FHIT: variants seen among roughly 807,000 people sequenced by gnomAD.
FHIT encodes fragile histidine triad diadenosine triphosphatase.
FHIT carries 19 observed loss-of-function variants against 17.9 expected under a neutral mutation model. That is an observed-to-expected ratio of 1.06 (90% CI 0.74 to 1.56). The LOEUF is 1.56. Ranked by LOEUF, FHIT falls within the 40% of genes most tolerant of loss-of-function variation. The pLI is 0.00. For synonymous variants in FHIT, 81 were observed against 69.7 expected, an observed-to-expected ratio of 1.16 and a Z score of -0.81; for missense variants, 248 against 189.2, an observed-to-expected ratio of 1.31 and a Z score of -1.82.
Position 60,556,719 on chromosome 3 carries a change from C to T in FHIT, c.-17-19740G>A, listed in dbSNP as rs1338736343. Among the ~76,000 whole-genome samples the T allele has an allele frequency of 3.3e-5, 5 of 152,238 alleles. No individual in the cohort carries two copies. The South Asian group carries it at 6.2e-4, about 19-fold the overall frequency. ...GGGTGGGTTTTGGAATAGCAACACC[C>T]TGAAGGTAATAGAGGCTGGTGGTAG... is the stretch of plus-strand genomic sequence containing the variant. On this transcript the variant is annotated intron_variant, in intron 4 of 9. Transcript: ENST00000492590.
In FHIT at chr3:60,577,210, TGA is replaced by T. The variant is rs201878896; in HGVS notation, c.-17-40233_-17-40232del. On this transcript the variant is annotated intron_variant, in intron 4 of 9. Transcript: ENST00000492590. ...GGTTCTGGCCCTCCCAAATTAACAC[TGA>T]GCTAGTTCAGGGAACAAGCTCTCAC... 8.6e-4 allele frequency among the ~76,000 whole-genome samples: 131 copies of T among 152,248 alleles called. 2 individuals are homozygous for T. The East Asian group carries it at 0.024, about 28-fold the overall frequency.
At chr3:60,703,870 A>T (rs928331217) in intron 4 of FHIT, among the ~76,000 whole-genome samples, 2 of 152,202 alleles carry the variant, frequency 1.3e-5, no homozygotes, top group East Asian at 3.9e-4. Flanking sequence ...ACTTTCTTCT[A>T]TGATTATTGG....
intron 4 of FHIT, among the ~76,000 whole-genome samples, chr3:60,760,968 C>G (rs1414666167): frequency 6.6e-6 from 1 of 152,068 alleles, no homozygotes; most frequent in Non-Finnish European, 1.5e-5. Flanking sequence ...TCTCATTTAG[C>G]CTGTTGGGCT....
At chr3:60,515,188 G>C (rs1488403101) in intron 5 of FHIT, among the ~76,000 whole-genome samples, 1 of 152,154 alleles carries the variant, frequency 6.6e-6, no homozygotes, top group Non-Finnish European at 1.5e-5. Context: ...TTCCATCCTA[G>C]TGTGAGCGGA....
intron 4 of FHIT, among the ~76,000 whole-genome samples, chr3:60,579,695 T>A (rs1553658992): frequency 6.6e-6 from 1 of 152,180 alleles, no homozygotes; most frequent in African/African-American, 2.4e-5. Flanking sequence ...CAGTTTGAGA[T>A]AAATTTGAGA....
At chr3:59,865,199 G>A (rs1415206121) in intron 8 of FHIT, among the ~76,000 whole-genome samples, 1 of 152,170 alleles carries the variant, frequency 6.6e-6, no homozygotes, top group Non-Finnish European at 1.5e-5. Flanking sequence ...AAACTTAAAA[G>A]CATAAAAAAT....
chr3:59,935,575 C>A (rs1383357001), intron 7 of FHIT, among the ~76,000 whole-genome samples: 1 of 152,102 alleles, frequency 6.6e-6, no homozygotes, highest in Non-Finnish European at 1.5e-5. Context: ...TATTTCTTTT[C>A]CCTAACCCTA....
At chr3:60,350,442 T>C (rs1488476595) in intron 5 of FHIT, among the ~76,000 whole-genome samples, 2 of 152,110 alleles carry the variant, frequency 1.3e-5, no homozygotes, top group African/African-American at 4.8e-5. Context: ...GAACCACAAA[T>C]AGCAATTTCT....
chr3:61,113,788 G>A (rs1437370084), intron 2 of FHIT, among the ~76,000 whole-genome samples: 2 of 152,142 alleles, frequency 1.3e-5, no homozygotes, highest in Non-Finnish European at 2.9e-5. Context: ...AACATTTGAG[G>A]AATAAATGAA....
chr3:59,751,479 C>A (rs1476563681), intron 9 of FHIT: 1 of 208,348 alleles, frequency 4.8e-6, no homozygotes. Context: ...TGAACTGAGA[C>A]TAGGAGGGAT....
chr3:60,773,571 C>A (rs1700117462), intron 4 of FHIT, among the ~76,000 whole-genome samples: 1 of 152,148 alleles, frequency 6.6e-6, no homozygotes, highest in Non-Finnish European at 1.5e-5. Context: ...TTAAACCATT[C>A]CAGTATCTTG....
At chr3:60,381,723 A>G (rs1700806987) in intron 5 of FHIT, among the ~76,000 whole-genome samples, 1 of 152,180 alleles carries the variant, frequency 6.6e-6, no homozygotes, top group African/African-American at 2.4e-5. Flanking sequence ...ACTGGTATAT[A>G]CAATCATTAC....
intron 8 of FHIT, among the ~76,000 whole-genome samples, chr3:59,840,128 T>C (rs1230893824): frequency 2.6e-5 from 4 of 152,120 alleles, no homozygotes; most frequent in Non-Finnish European, 5.9e-5. Context: ...TGACTACAGG[T>C]AATCAAAAAG....
chr3:60,161,412 C>T (rs1277531325), intron 5 of FHIT, among the ~76,000 whole-genome samples: 1 of 152,132 alleles, frequency 6.6e-6, no homozygotes, highest in African/African-American at 2.4e-5. Context: ...TGTGCCAGTG[C>T]TTAGGAATCT....
chr3:60,980,260 A>T (rs1293701651), intron 3 of FHIT, among the ~76,000 whole-genome samples: 1 of 152,204 alleles, frequency 6.6e-6, no homozygotes, highest in Non-Finnish European at 1.5e-5. Context: ...AAATAAACAC[A>T]ACATCTTTTC....
intron 3 of FHIT, among the ~76,000 whole-genome samples, chr3:60,942,034 G>C (rs4974237): frequency 0.88 from 133,912 of 152,104 alleles, 61,451 homozygotes; most frequent in East Asian, 1. Context: ...GTCGCCCAGG[G>C]TGGTACAATG....
intron 3 of FHIT, among the ~76,000 whole-genome samples, chr3:60,929,974 G>C (rs1707858512): frequency 6.6e-6 from 1 of 152,120 alleles, no homozygotes; most frequent in Non-Finnish European, 1.5e-5. Flanking sequence ...ACTACACAAG[G>C]CTACAGTAAT....
intron 5 of FHIT, among the ~76,000 whole-genome samples, chr3:60,446,454 C>T (rs550259743): frequency 2.1e-4 from 32 of 152,230 alleles, no homozygotes; most frequent in African/African-American, 6.0e-4. Context: ...ATGTGGTCCA[C>T]CTCTGGTTTA....
chr3:61,242,143 T>C (rs919129926), intron 1 of FHIT, among the ~76,000 whole-genome samples: 3 of 152,318 alleles, frequency 2.0e-5, no homozygotes, highest in East Asian at 1.9e-4. Flanking sequence ...TATAACTGTA[T>C]GCATTTTCTA....
Sources: allele counts gnomAD v4.1 joint callset (sites outside exome capture counted in the v4.1 genomes callset), GRCh38; gene constraint gnomAD v4.1.1; transcripts MANE v1.5; gene names NCBI Gene and HGNC (gene_info 2026-07-23, HGNC 2026-07-21).